The following PDE4B variants were observed in gnomAD, a reference collection of about 807,000 sequenced individuals.
PDE4B encodes phosphodiesterase 4B, also known as 3',5'-cyclic-AMP phosphodiesterase 4B.
In PDE4B, 20 loss-of-function variants were observed where a neutral mutation model predicts 82.2. The observed-to-expected ratio is 0.24, with a 90% CI of 0.17 to 0.35. The LOEUF (loss-of-function observed/expected upper bound fraction) is 0.35, where lower values mean the gene tolerates loss of function less well. Among genes scored for constraint, PDE4B ranks in the 10% least tolerant of loss-of-function variants. The pLI, the probability that PDE4B is intolerant of heterozygous loss-of-function variation, is 1.00. For missense variants in PDE4B, 655 were observed against 907.2 expected (o/e 0.72, Z 3.57); for synonymous variants, 320 against 318.9 (o/e 1.00, Z -0.04).
intron 3 of PDE4B, among the ~76,000 whole-genome samples, chr1:66,120,926 T>TATC (rs1040114567): frequency 2.6e-5 from 4 of 152,368 alleles, no homozygotes; most frequent in African/African-American, 2.4e-5. Context: ...TCACATGTTA[T>TATC]ATCAGAGTAC....
At chr1:66,032,380 T>C (rs1653826909) in intron 3 of PDE4B, among the ~76,000 whole-genome samples, 2 of 152,196 alleles carry the variant, frequency 1.3e-5, no homozygotes, top group Admixed American at 1.3e-4. Flanking sequence ...CTATAGTTTA[T>C]GCTTTTTTCC....
chr1:66,041,150 G>A (rs1325944243), intron 3 of PDE4B, among the ~76,000 whole-genome samples: 1 of 151,838 alleles, frequency 6.6e-6, no homozygotes, highest in Non-Finnish European at 1.5e-5. Flanking sequence ...TATTTATTGG[G>A]CAAACATGCT....
At chr1:65,872,404 TA>T (rs1457389051) in intron 1 of PDE4B, among the ~76,000 whole-genome samples, 1 of 152,196 alleles carries the variant, frequency 6.6e-6, no homozygotes, top group East Asian at 1.9e-4. Context: ...TACTTCTCGG[TA>T]GGGTCCATGT....
chr1:66,328,936 T>C (rs945458676), intron 7 of PDE4B, among the ~76,000 whole-genome samples: 3 of 152,206 alleles, frequency 2.0e-5, no homozygotes, highest in African/African-American at 7.2e-5. Flanking sequence ...TGCTAAGAGG[T>C]TGCAGTACCC....
intron 1 of PDE4B, among the ~76,000 whole-genome samples, chr1:65,882,847 G>T (rs1043298479): frequency 3.3e-5 from 5 of 152,116 alleles, no homozygotes; most frequent in Non-Finnish European, 5.9e-5. Flanking sequence ...ACAGATAACA[G>T]GAAGGTTTGA....
At chr1:66,168,162 AAATT>A (rs1473841912) in intron 3 of PDE4B, among the ~76,000 whole-genome samples, 1 of 152,216 alleles carries the variant, frequency 6.6e-6, no homozygotes. Flanking sequence ...ATTCATTTAT[AAATT>A]AATTCATTTT....
chr1:66,358,809 A>G (rs1319323833), intron 9 of PDE4B, among the ~76,000 whole-genome samples: 2 of 152,234 alleles, frequency 1.3e-5, no homozygotes, highest in African/African-American at 2.4e-5. Context: ...CAATATTTCA[A>G]TAAAAGCCAT....
At chr1:65,982,941 T>C (rs11804675) in intron 3 of PDE4B, among the ~76,000 whole-genome samples, 1,536 of 152,084 alleles carry the variant, frequency 0.01, 20 homozygotes, top group African/African-American at 0.035. Context: ...TCCAGAAAAA[T>C]AGGACCACCT....
intron 1 of PDE4B, among the ~76,000 whole-genome samples, chr1:65,793,579 T>C (rs961464266): frequency 6.6e-6 from 1 of 151,804 alleles, no homozygotes; most frequent in African/African-American, 2.4e-5. Flanking sequence ...AGCCCTGGAG[T>C]AGGTGACGGA....
intron 3 of PDE4B, among the ~76,000 whole-genome samples, chr1:66,029,976 C>G (rs943854480): frequency 6.6e-6 from 1 of 150,844 alleles, no homozygotes; most frequent in South Asian, 2.1e-4. Flanking sequence ...GTGGGATAGT[C>G]AAGCATAGTG....
chr1:66,108,575 T>C (rs115407457), intron 3 of PDE4B, among the ~76,000 whole-genome samples: 1,779 of 151,936 alleles, frequency 0.012, 39 homozygotes, highest in African/African-American at 0.042. Context: ...CCAAAATACA[T>C]AAGGAACTGA....
intron 1 of PDE4B, among the ~76,000 whole-genome samples, chr1:65,816,485 T>A (rs564798438): frequency 2.6e-5 from 4 of 152,258 alleles, no homozygotes; most frequent in African/African-American, 9.6e-5. Context: ...TTGGTACAAT[T>A]TTCCCCAAAG....
At chr1:66,090,621 A>ATATGTGTGTGTGTG in intron 3 of PDE4B, among the ~76,000 whole-genome samples, 1,607 of 122,588 alleles carry the variant, frequency 0.013, 24 homozygotes, top group South Asian at 0.028. Flanking sequence ...TATATAATAT[A>ATATGTGTGTGTGTG]TGTGTGTGTG....
intron 3 of PDE4B, among the ~76,000 whole-genome samples, chr1:66,232,946 G>C (rs1221292322): frequency 6.6e-6 from 1 of 152,124 alleles, no homozygotes; most frequent in Non-Finnish European, 1.5e-5. Flanking sequence ...GGATGCAGGG[G>C]TGCATGGAAT....
intron 3 of PDE4B, among the ~76,000 whole-genome samples, chr1:66,096,918 C>T (rs1645130844): frequency 6.6e-6 from 1 of 151,754 alleles, no homozygotes; most frequent in South Asian, 2.1e-4. Flanking sequence ...GAGAGTCATC[C>T]ATGTTTTTAT....
rs930105840 is a variant in PDE4B, at chr1:66,348,667, T to TA, written c.748-6847dup. On this transcript the variant is annotated intron_variant, in intron 8 of 16. Coordinates refer to ENST00000341517, the MANE Select transcript of PDE4B (RefSeq NM_002600.4). ...GCAATATCAGGACCATACTTACAGT[T>TA]AAAAAAAAAAAAAGATAAAGAAAAT... 3.8e-3 allele frequency among the ~76,000 whole-genome samples: 548 copies of TA among 143,230 alleles called. 2 individuals are homozygous for TA. Among genetic ancestry groups the TA allele is most frequent in the East Asian group, 0.017 (85 of 5,006 alleles). The allele number at this position is 143,230 out of a possible 152,430, so 94.0% of individuals were successfully genotyped here. A position where few individuals can be genotyped will look rare whatever the true frequency, so the allele number is the denominator to read the frequency against.
intron 4 of PDE4B, among the ~76,000 whole-genome samples, chr1:66,251,770 A>C (rs893108295): frequency 1.3e-5 from 2 of 152,142 alleles, no homozygotes; most frequent in African/African-American, 4.8e-5. Context: ...ACCACAGCTC[A>C]GTGTGGTTGA....
intron 1 of PDE4B, among the ~76,000 whole-genome samples, chr1:65,868,697 G>C (rs1445771768): frequency 1.3e-5 from 2 of 152,298 alleles, no homozygotes; most frequent in East Asian, 1.9e-4. Context: ...TCTGTGGCCT[G>C]TTAGGAATTG....
At chr1:66,056,852 C>T (rs951046458) in intron 3 of PDE4B, among the ~76,000 whole-genome samples, 1 of 152,092 alleles carries the variant, frequency 6.6e-6, no homozygotes, top group Non-Finnish European at 1.5e-5. Context: ...AGGAACATAT[C>T]CCTGCTGATA....
Sources: gnomAD v4.1 joint callset for allele counts (sites outside exome capture counted in the v4.1 genomes callset) on GRCh38, gnomAD v4.1.1 for gene constraint, MANE v1.5 for transcripts, NCBI Gene and HGNC (gene_info 2026-07-23, HGNC 2026-07-21) for gene names.